The following ALPK1 variants were observed in gnomAD, a reference collection of about 807,000 sequenced individuals.
The protein encoded by ALPK1 is alpha-protein kinase 1.
In ALPK1, 110 loss-of-function variants were observed where a neutral mutation model predicts 120.6. The ratio of observed to expected loss-of-function variants is 0.91; its 90% CI spans 0.78 to 1.07. The LOEUF (loss-of-function observed/expected upper bound fraction) is 1.07. ALPK1 is among the 50% of genes least tolerant of loss of function. The probability of loss-of-function intolerance (pLI) is 0.00; values close to 1 mark genes in which losing one functional copy is unlikely to be tolerated. For missense variants in ALPK1, 1,498 were observed against 1,483.9 expected (o/e 1.01, Z -0.16); for synonymous variants, 582 against 560.3 (o/e 1.04, Z -0.55).
chr4:112,365,117 G>A (rs1731083621), intron 2 of ALPK1, among the ~76,000 whole-genome samples: 1 of 152,114 alleles, frequency 6.6e-6, no homozygotes. Flanking sequence ...ATGTGGAAAA[G>A]TTGAAAGCAT....
chr4:112,416,971 A>T (rs573518239), intron 5 of ALPK1, among the ~76,000 whole-genome samples: 34 of 152,270 alleles, frequency 2.2e-4, no homozygotes, highest in Non-Finnish European at 3.7e-4. Context: ...TTAAAGAAAC[A>T]GACAGAAAAG....
chr4:112,364,079 C>G (rs1015235974), intron 2 of ALPK1, among the ~76,000 whole-genome samples: 3 of 151,978 alleles, frequency 2.0e-5, no homozygotes, highest in African/African-American at 7.2e-5. Context: ...GAGGAAAGTT[C>G]ATAGCATTAA....
chr4:112,395,055 T>C (rs1732591119), intron 4 of ALPK1, among the ~76,000 whole-genome samples: 3 of 152,204 alleles, frequency 2.0e-5, no homozygotes, highest in Admixed American at 6.5e-5. Flanking sequence ...CCATATAAAG[T>C]GTCACCTTTG....
intron 12 of ALPK1, among the ~76,000 whole-genome samples, chr4:112,435,606 C>G (rs980958874): frequency 1.4e-5 from 2 of 147,760 alleles, no homozygotes; most frequent in Non-Finnish European, 3.0e-5. Flanking sequence ...GGCCAGAGAG[C>G]CTTCAATATT....
chr4:112,356,255 C>T (rs1730606303), intron 2 of ALPK1: 1 of 1,397,960 alleles, frequency 7.2e-7, no homozygotes, highest in Non-Finnish European at 1.0e-6. Context: ...CCTGGAGAGC[C>T]CCGCGGGCAC....
chr4:112,306,681 T>G (rs1056376808), intron 1 of ALPK1, among the ~76,000 whole-genome samples: 13 of 152,072 alleles, frequency 8.5e-5, no homozygotes, highest in African/African-American at 3.1e-4. Context: ...TCAATTTTGT[T>G]GATCTTTTCA....
Position 112,431,305 on chromosome 4 carries a change from A to T in ALPK1, c.1758A>T (p.Leu586Phe), listed in dbSNP as rs781592281. The T allele has an allele frequency of 2.7e-5, 44 of 1,614,066 alleles. 1 individual carries two copies. The South Asian group carries it at 4.7e-4, about 17-fold the overall frequency. Reference sequence around the variant, plus strand: ...AGACTTCCAGTGCTTGGAGCAACTTATCAGGGTTTAGTTCCTCTGCAAGCT... The same window carrying T: ...AGACTTCCAGTGCTTGGAGCAACTTTTCAGGGTTTAGTTCCTCTGCAAGCT... The part of the protein sequence containing the change: ...GSQTSSAWSN[L>F]SGFSSSASWE... Residue 586 changes from leucine to phenylalanine, a missense_variant, in exon 11 of 16, where the codon TTA becomes TTT. Transcript: ENST00000650871.
At chr4:112,430,273 A>G (rs762685182) in intron 10 of ALPK1, among the ~76,000 whole-genome samples, 175 bp from the exon 11 acceptor site, 5 of 152,172 alleles carry the variant, frequency 3.3e-5, no homozygotes, top group East Asian at 3.8e-4. Flanking sequence ...TTCACCAAAA[A>G]GGCCTCGGGT....
intron 1 of ALPK1, among the ~76,000 whole-genome samples, chr4:112,309,413 G>C (rs1728292909): frequency 6.6e-6 from 1 of 152,140 alleles, no homozygotes; most frequent in Non-Finnish European, 1.5e-5. Flanking sequence ...GAGCTTCCAG[G>C]CTGCTTTGTT....
chr4:112,355,231 A>C (rs1730547325), intron 2 of ALPK1, among the ~76,000 whole-genome samples: 1 of 152,206 alleles, frequency 6.6e-6, no homozygotes, highest in African/African-American at 2.4e-5. Flanking sequence ...TTGCAAATTT[A>C]AGATATTTTG....
At position 112,431,522 on chromosome 4, in the gene ALPK1, G is replaced by C. The variant is rs1489207579; in HGVS notation, c.1975G>C (p.Glu659Gln). The change falls in exon 11 of 16, where the codon GAG becomes CAG. Residue 659 changes from glutamate (E) to glutamine (Q), a missense_variant. Transcript: ENST00000650871. ...SLQEPNNDNL[E>Q]PSQNQPQQQM... is the part of the protein sequence containing the mutation. Reference sequence around the variant, plus strand: ...TCAGGAACCCAACAATGACAATTTGGAGCCTTCTCAAAATCAGCCACAGCA... The same window carrying C: ...TCAGGAACCCAACAATGACAATTTGCAGCCTTCTCAAAATCAGCCACAGCA... The C allele has an allele frequency of 6.2e-7, 1 of 1,614,130 alleles. No homozygotes were observed. Among genetic ancestry groups the C allele is most frequent in the East Asian group, 2.2e-5 (1 of 44,874 alleles).
chr4:112,359,641 TCAGA>T (rs1227729496), intron 2 of ALPK1: 1 of 236,464 alleles, frequency 4.2e-6, no homozygotes, highest in African/African-American at 2.3e-5. Context: ...TCATCATTCC[TCAGA>T]CAGAGGCCAG....
Position 112,398,788 on chromosome 4 carries a change from G to A in ALPK1, c.277-13039G>A, listed in dbSNP as rs189220735. ...TGGCGTGGACTAAAGTGGGTGCCCTGGAGGAGATGAAAAATGGTCAGATCT... is the reference window on the plus strand; with the variant it reads ...TGGCGTGGACTAAAGTGGGTGCCCTAGAGGAGATGAAAAATGGTCAGATCT... On this transcript the variant is annotated intron_variant, in intron 4 of 15. Coordinates refer to ENST00000650871, the MANE Select transcript of ALPK1 (RefSeq NM_025144.4). Among the ~76,000 whole-genome samples the A allele has an allele frequency of 8.5e-5, 13 of 152,240 alleles. 1 individual carries two copies. The highest frequency in any genetic ancestry group is 2.4e-4 in the African/African-American group (10 of 41,552).
At chr4:112,356,674 C>G in intron 2 of ALPK1, 1 of 959,994 alleles carries the variant, frequency 1.0e-6, no homozygotes, top group East Asian at 2.8e-5. Flanking sequence ...AAGAGAAAAG[C>G]CTGGAGCAGG....
intron 6 of ALPK1, among the ~76,000 whole-genome samples, chr4:112,424,798 G>A (rs967314617): frequency 6.6e-6 from 1 of 152,134 alleles, no homozygotes; most frequent in Non-Finnish European, 1.5e-5. Context: ...CGCACACAAG[G>A]ATTCAAAGCT....
chr4:112,330,247 G>A (rs1284771303), intron 2 of ALPK1, among the ~76,000 whole-genome samples: 1 of 152,170 alleles, frequency 6.6e-6, no homozygotes, highest in Non-Finnish European at 1.5e-5. Flanking sequence ...CTCTGTAAAT[G>A]CAGACTTATT....
intron 4 of ALPK1, among the ~76,000 whole-genome samples, chr4:112,396,923 G>A (rs1732676998): frequency 6.6e-6 from 1 of 152,012 alleles, no homozygotes; most frequent in Non-Finnish European, 1.5e-5. Context: ...AACCACATGC[G>A]TGTGCCACCA....
chr4:112,307,406 A>C (rs1258237671), intron 1 of ALPK1, among the ~76,000 whole-genome samples: 1 of 152,010 alleles, frequency 6.6e-6, no homozygotes, highest in Non-Finnish European at 1.5e-5. Flanking sequence ...GTAGGTCTCT[A>C]AGGACTTGCT....
At chr4:112,401,764 TC>T (rs1732923546) in intron 4 of ALPK1, among the ~76,000 whole-genome samples, 1 of 152,184 alleles carries the variant, frequency 6.6e-6, no homozygotes, top group South Asian at 2.1e-4. Flanking sequence ...GATGGCCAAC[TC>T]CATATACAGT....
Sources: allele counts gnomAD v4.1 joint callset (sites outside exome capture counted in the v4.1 genomes callset), GRCh38; gene constraint gnomAD v4.1.1; transcripts MANE v1.5; gene names NCBI Gene and HGNC (gene_info 2026-07-23, HGNC 2026-07-21).